LRMDA: variants seen among roughly 807,000 people sequenced by gnomAD.
LRMDA encodes leucine-rich melanocyte differentiation-associated protein.
Under a neutral mutation model 29.8 loss-of-function variants are expected in LRMDA, and 18 were observed. The ratio of observed to expected loss-of-function variants is 0.60; its 90% CI spans 0.42 to 0.90. The LOEUF (loss-of-function observed/expected upper bound fraction) is 0.90, where lower values mean the gene tolerates loss of function less well. Ranked by LOEUF, LRMDA falls within the 40% of genes least tolerant of loss-of-function variation. LRMDA has a pLI of 0.00. For missense variants in LRMDA, 273 were observed against 273.9 expected (o/e 1.00, Z 0.02); for synonymous variants, 125 against 109.4 (o/e 1.14, Z -0.89).
At chr10:76,320,551 A>G (rs1276281234) in intron 5 of LRMDA, among the ~76,000 whole-genome samples, 1 of 152,188 alleles carries the variant, frequency 6.6e-6, no homozygotes, top group East Asian at 1.9e-4. Flanking sequence ...TTTTTCTCTC[A>G]TTGTGGGTTC....
At chr10:75,853,681 T>C (rs1397950988) in intron 2 of LRMDA, among the ~76,000 whole-genome samples, 1 of 152,192 alleles carries the variant, frequency 6.6e-6, no homozygotes, top group African/African-American at 2.4e-5. Flanking sequence ...CCCTGAGATA[T>C]TGAATACCAA....
Position 75,871,592 on chromosome 10 carries a change from T to A in LRMDA, c.132-164416T>A, listed in dbSNP as rs150518371. Among the ~76,000 whole-genome samples, 563 of 152,282 alleles carry A rather than the reference T, an allele frequency of 3.7e-3. 3 individuals are homozygous for A. The highest frequency in any genetic ancestry group is 0.013 in the African/African-American group (545 of 41,578). On this transcript the variant is annotated intron_variant, in intron 2 of 6. Transcript: ENST00000611255. Reference sequence around the variant, plus strand: ...CTCCTCCCCTCCCTTTCCTGCTCTCTTGGGTCATCTCCCAAATAAGCTTCC... The same window carrying A: ...CTCCTCCCCTCCCTTTCCTGCTCTCATGGGTCATCTCCCAAATAAGCTTCC...
intron 2 of LRMDA, among the ~76,000 whole-genome samples, chr10:75,447,306 A>G (rs1409164386): frequency 1.3e-5 from 2 of 152,130 alleles, no homozygotes; most frequent in African/African-American, 2.4e-5. Context: ...GTGGTGGGTG[A>G]TGTATAATGT....
chr10:75,527,436 C>G (rs1488313446), intron 2 of LRMDA, among the ~76,000 whole-genome samples: 1 of 151,938 alleles, frequency 6.6e-6, no homozygotes, highest in Non-Finnish European at 1.5e-5. Flanking sequence ...TATCATAATT[C>G]TATGTTTAAT....
Position 75,697,099 on chromosome 10 carries a change from TGAG to T in LRMDA, c.131+258609_131+258611del, listed in dbSNP as rs1842244140. ...GGTACATGTGGTGGCCATGAGGCAG[TGAG>T]GAGATGTTCAGCAGAGTCACCTCAA... is the stretch of plus-strand genomic sequence containing the variant. On this transcript the variant is annotated intron_variant, in intron 2 of 6. Coordinates refer to ENST00000611255, the MANE Select transcript of LRMDA (RefSeq NM_001305581.2). Among the ~76,000 whole-genome samples the T allele has an allele frequency of 3.9e-5, 6 of 152,262 alleles. No homozygotes were observed. In the South Asian group the frequency reaches 1.0e-3, roughly 26 times the overall value.
At chr10:75,800,185 T>C (rs1372759965) in intron 2 of LRMDA, among the ~76,000 whole-genome samples, 18 of 152,210 alleles carry the variant, frequency 1.2e-4, no homozygotes. Flanking sequence ...CACATATTTA[T>C]GATTTGTATG....
rs150002714 is a variant in LRMDA at position 76,194,588 on chromosome 10, T to A, written c.517-129813T>A. Among the ~76,000 whole-genome samples, 421 of 152,354 alleles carry A rather than the reference T, an allele frequency of 2.8e-3. 5 individuals carry two copies. The highest frequency in any genetic ancestry group is 0.015 in the South Asian group (71 of 4,828). ...ATCCTGAAAGGTGCAAAGTCTCATG[T>A]TGGATCTGTAAGATGTAGCTTCTTA... On this transcript the variant is annotated intron_variant, in intron 5 of 6. Transcript: ENST00000611255.
intron 2 of LRMDA, among the ~76,000 whole-genome samples, chr10:75,819,101 A>T (rs1844112529): frequency 6.6e-6 from 1 of 152,238 alleles, no homozygotes. Context: ...GAAAGAAAGT[A>T]AATGTCTTGA....
chr10:76,542,126 C>T (rs1843364697), intron 6 of LRMDA, among the ~76,000 whole-genome samples: 1 of 152,016 alleles, frequency 6.6e-6, no homozygotes, highest in African/African-American at 2.4e-5. Flanking sequence ...TCACAGCCAT[C>T]TCATAGGAGT....
chr10:76,420,519 C>CA (rs1842061858), intron 6 of LRMDA, among the ~76,000 whole-genome samples: 1 of 151,840 alleles, frequency 6.6e-6, no homozygotes, highest in Non-Finnish European at 1.5e-5. Context: ...TTTTAATGTA[C>CA]ATTTATTAAT....
At chr10:75,874,874 C>T (rs1248159820) in intron 2 of LRMDA, among the ~76,000 whole-genome samples, 2 of 152,244 alleles carry the variant, frequency 1.3e-5, no homozygotes, top group Admixed American at 1.3e-4. Context: ...AGCACAACAA[C>T]TTAAGTTACA....
chr10:76,313,861 C>T (rs1840659184), intron 5 of LRMDA, among the ~76,000 whole-genome samples: 1 of 151,754 alleles, frequency 6.6e-6, no homozygotes, highest in Non-Finnish European at 1.5e-5. Flanking sequence ...TCTTGTATCT[C>T]GTATCTGTGG....
chr10:75,579,184 TAAAG>T (rs1380386919), intron 2 of LRMDA, among the ~76,000 whole-genome samples: 2 of 151,936 alleles, frequency 1.3e-5, no homozygotes, highest in African/African-American at 2.4e-5. Context: ...GCTAGACTAA[TAAAG>T]AAGAAAACAG....
chr10:76,038,041 G>A (rs187962504), intron 3 of LRMDA, among the ~76,000 whole-genome samples: 2 of 152,100 alleles, frequency 1.3e-5, no homozygotes, highest in Non-Finnish European at 2.9e-5. Context: ...GGCTTTCTAG[G>A]CTGTCTTAGA....
Position 76,236,809 on chromosome 10 carries a change from G to C in LRMDA, c.517-87592G>C, listed in dbSNP as rs1023373678. Among the ~76,000 whole-genome samples, 91 of 152,072 alleles carry C rather than the reference G, an allele frequency of 6.0e-4. 1 individual carries two copies. The highest frequency in any genetic ancestry group is 6.0e-3 in the Admixed American group (91 of 15,266). On this transcript the variant is annotated intron_variant, in intron 5 of 6. Transcript: ENST00000611255. ...AAAATAAAGTACAAAGGGTTACAAAGCAAATGTAGTATATTGAAATACTGT... is the reference window on the plus strand; with the variant it reads ...AAAATAAAGTACAAAGGGTTACAAACCAAATGTAGTATATTGAAATACTGT...
intron 2 of LRMDA, among the ~76,000 whole-genome samples, chr10:75,675,768 G>C (rs148896414): frequency 6.6e-6 from 1 of 151,614 alleles, no homozygotes; most frequent in Non-Finnish European, 1.5e-5. Context: ...AGTTGGTCTT[G>C]TTCTAGATCT....
At chr10:76,364,112 T>C (rs1841361551) in intron 6 of LRMDA, among the ~76,000 whole-genome samples, 1 of 152,186 alleles carries the variant, frequency 6.6e-6, no homozygotes, top group Admixed American at 6.5e-5. Flanking sequence ...CCTCAGGGAA[T>C]ATTTAGTGAA....
intron 2 of LRMDA, among the ~76,000 whole-genome samples, chr10:75,559,101 C>T (rs1840256155): frequency 6.6e-6 from 1 of 151,114 alleles, no homozygotes; most frequent in South Asian, 2.1e-4. Context: ...CCTGAGGAAT[C>T]GCCACACTGA....
intron 5 of LRMDA, among the ~76,000 whole-genome samples, chr10:76,286,293 A>T (rs1865643): frequency 6.6e-6 from 1 of 151,528 alleles, no homozygotes; most frequent in Non-Finnish European, 1.5e-5. Flanking sequence ...AAGGGCTGTA[A>T]GGAGTGGAGA....
Sources: gnomAD v4.1 joint callset for allele counts (sites outside exome capture counted in the v4.1 genomes callset) on GRCh38, gnomAD v4.1.1 for gene constraint, MANE v1.5 for transcripts, NCBI Gene and HGNC (gene_info 2026-07-23, HGNC 2026-07-21) for gene names.